The following GRIP1 variants were observed in gnomAD, a reference collection of about 807,000 sequenced individuals.
GRIP1 encodes the protein glutamate receptor interacting protein 1, also known as glutamate receptor-interacting protein 1.
In GRIP1, 45 loss-of-function variants were observed where a neutral mutation model predicts 129.9. The observed-to-expected ratio is 0.35, with a 90% CI of 0.27 to 0.44. The LOEUF is 0.44. Among genes scored for constraint, GRIP1 ranks in the 20% least tolerant of loss-of-function variants. The pLI, the probability that GRIP1 is intolerant of heterozygous loss-of-function variation, is 1.00. For synonymous variants in GRIP1, 530 were observed against 520.8 expected, an observed-to-expected ratio of 1.02 and a Z score of -0.24; for missense variants, 1,196 against 1,396.8, an observed-to-expected ratio of 0.86 and a Z score of 2.29.
chr12:66,387,734 G>T (rs993809448), intron 19 of GRIP1, among the ~76,000 whole-genome samples: 3 of 152,058 alleles, frequency 2.0e-5, no homozygotes, highest in African/African-American at 7.2e-5. Flanking sequence ...AGAGAAATTG[G>T]GCAAGGCAAG....
intron 5 of GRIP1, among the ~76,000 whole-genome samples, chr12:66,524,269 T>C (rs1473672808): frequency 3.3e-5 from 5 of 152,148 alleles, no homozygotes; most frequent in Non-Finnish European, 2.9e-5. Flanking sequence ...ATTGACCACA[T>C]AGTTGGAAGT....
At chr12:66,911,587 T>G (rs2041030451) in intron 1 of GRIP1, among the ~76,000 whole-genome samples, 1 of 152,182 alleles carries the variant, frequency 6.6e-6, no homozygotes, top group Admixed American at 6.5e-5. Flanking sequence ...GAGAGCTTTA[T>G]TTGGGATAAT....
At chr12:66,820,561 T>C (rs1268607199) in intron 1 of GRIP1, among the ~76,000 whole-genome samples, 1 of 152,196 alleles carries the variant, frequency 6.6e-6, no homozygotes, top group East Asian at 1.9e-4. Flanking sequence ...CATGGATGTT[T>C]ATGTCAGCTT....
chr12:66,874,634 C>T (rs1303445682), intron 1 of GRIP1, among the ~76,000 whole-genome samples: 2 of 152,088 alleles, frequency 1.3e-5, no homozygotes, highest in Admixed American at 1.3e-4. Context: ...ATGGCCGGAG[C>T]AGAAGGAAGA....
At chr12:66,846,105 T>C (rs1463344951) in intron 1 of GRIP1, among the ~76,000 whole-genome samples, 2 of 152,226 alleles carry the variant, frequency 1.3e-5, no homozygotes, top group African/African-American at 2.4e-5. Flanking sequence ...GTATTCCTCA[T>C]CAAGAGGCTT....
At chr12:66,597,125 A>G (rs1240599170) in intron 1 of GRIP1, among the ~76,000 whole-genome samples, 198 bp from the exon 2 acceptor site, 1 of 152,292 alleles carries the variant, frequency 6.6e-6, no homozygotes, top group South Asian at 2.1e-4. Flanking sequence ...TTCCCCTATA[A>G]AAGAGAGATA....
At chr12:66,381,776 A>G (rs2137404609) in intron 19 of GRIP1, among the ~76,000 whole-genome samples, 1 of 152,324 alleles carries the variant, frequency 6.6e-6, no homozygotes, top group Non-Finnish European at 1.5e-5. Context: ...GTGTATCTCT[A>G]ATAAGGATGC....
chr12:66,688,823 C>T (rs966301286), intron 1 of GRIP1, among the ~76,000 whole-genome samples: 21 of 148,074 alleles, frequency 1.4e-4, no homozygotes, highest in Admixed American at 4.7e-4. Flanking sequence ...GAGGAAACAA[C>T]CCTCTAATAA....
chr12:66,979,222 TAAAAAAA>T (rs35306665), intron 1 of GRIP1, among the ~76,000 whole-genome samples: 150 of 41,438 alleles, frequency 3.6e-3, no homozygotes, highest in African/African-American at 0.01. Flanking sequence ...CTTCTCTTCT[TAAAAAAA>T]AAAAAAAAAA....
intron 19 of GRIP1, among the ~76,000 whole-genome samples, chr12:66,382,123 G>A (rs560223814): frequency 7.2e-5 from 11 of 152,164 alleles, no homozygotes; most frequent in Admixed American, 4.6e-4. Flanking sequence ...CCAGCTACTT[G>A]GGGGGCTGAG....
intron 1 of GRIP1, among the ~76,000 whole-genome samples, chr12:66,911,069 G>T (rs2137312000): frequency 6.6e-6 from 1 of 152,336 alleles, no homozygotes; most frequent in South Asian, 2.1e-4. Flanking sequence ...AGTAATATAT[G>T]GTTGTTACCC....
At chr12:66,587,869 C>T (rs1378800667) in intron 2 of GRIP1, among the ~76,000 whole-genome samples, 4 of 152,160 alleles carry the variant, frequency 2.6e-5, no homozygotes, top group Admixed American at 2.6e-4. Flanking sequence ...TTGCCAGGTG[C>T]TGTAAAGTAT....
intron 1 of GRIP1, among the ~76,000 whole-genome samples, chr12:66,783,537 C>CA (rs1363337799): frequency 6.6e-6 from 1 of 152,146 alleles, no homozygotes; most frequent in Non-Finnish European, 1.5e-5. Context: ...AATCAACACT[C>CA]AGAGAGATGA....
chr12:67,014,512 T>C (rs540431052), intron 1 of GRIP1, among the ~76,000 whole-genome samples: 1 of 152,114 alleles, frequency 6.6e-6, no homozygotes, highest in Non-Finnish European at 1.5e-5. Context: ...AGGCAAATAA[T>C]CCCATACATA....
At chr12:66,615,552 A>AG (rs1396361029) in intron 1 of GRIP1, among the ~76,000 whole-genome samples, 5 of 152,210 alleles carry the variant, frequency 3.3e-5, no homozygotes, top group Admixed American at 3.3e-4. Context: ...CACTCTACAT[A>AG]GCAAGTAAAA....
At chr12:66,933,484 A>AT in intron 1 of GRIP1, among the ~76,000 whole-genome samples, 1 of 152,216 alleles carries the variant, frequency 6.6e-6, no homozygotes, top group Non-Finnish European at 1.5e-5. Context: ...CAGAATATCT[A>AT]TTATTAAGCT....
Position 66,843,421 on chromosome 12 carries a change from C to T in GRIP1, c.58+225629G>A, listed in dbSNP as rs756599957. 4.6e-5 allele frequency among the ~76,000 whole-genome samples: 7 copies of T among 151,968 alleles called. No individual in the cohort carries two copies. The South Asian group carries it at 6.2e-4, about 14-fold the overall frequency. On this transcript the variant is annotated intron_variant, in intron 1 of 1. Coordinates refer to the GRIP1 transcript ENST00000643019. Reference sequence around the variant, plus strand: ...TGTCTATTTTGGGTTCTTTGATATTCCATATGAATTTTAGCATGGATTTTT... The same window carrying T: ...TGTCTATTTTGGGTTCTTTGATATTTCATATGAATTTTAGCATGGATTTTT...
At position 66,628,571 on chromosome 12, in the gene GRIP1, A is replaced by G. The variant is rs191338308; in HGVS notation, c.56-31644T>C. Reference sequence around the variant, plus strand: ...TGCCACTTCTCTGAAAGCTTTGCCAATTTAGGCCTAGTTTTCCTTGTTGTG... The same window carrying G: ...TGCCACTTCTCTGAAAGCTTTGCCAGTTTAGGCCTAGTTTTCCTTGTTGTG... On this transcript the variant is annotated intron_variant, in intron 1 of 24. Transcript: ENST00000359742. Among the ~76,000 whole-genome samples, 3 of 152,304 alleles carry G rather than the reference A, an allele frequency of 2.0e-5. No individual in the cohort carries two copies. The East Asian group carries it at 5.8e-4, about 29-fold the overall frequency.
intron 2 of GRIP1, among the ~76,000 whole-genome samples, chr12:66,543,309 G>A (rs2061843762): frequency 6.6e-6 from 1 of 151,960 alleles, no homozygotes; most frequent in Non-Finnish European, 1.5e-5. Context: ...GCAGTCTCAT[G>A]ACACTGTATA....
Sources: allele counts gnomAD v4.1 joint callset (sites outside exome capture counted in the v4.1 genomes callset), GRCh38; gene constraint gnomAD v4.1.1; transcripts MANE v1.5; gene names NCBI Gene and HGNC (gene_info 2026-07-23, HGNC 2026-07-21).